The following NPAS3 variants were observed in gnomAD, a reference collection of about 807,000 sequenced individuals.
NPAS3 encodes neuronal PAS domain-containing protein 3.
Under a neutral mutation model 73.1 loss-of-function variants are expected in NPAS3, and 14 were observed. The observed-to-expected ratio is 0.19, with a 90% confidence interval of 0.13 to 0.30. The LOEUF (loss-of-function observed/expected upper bound fraction) is 0.30, where lower values mean the gene tolerates loss of function less well. NPAS3 is among the 10% of genes least tolerant of loss of function. The probability of loss-of-function intolerance (pLI) is 1.00; values close to 1 mark genes in which losing one functional copy is unlikely to be tolerated. For missense variants in NPAS3, 1,096 were observed against 1,250.0 expected (o/e 0.88, Z 1.86); for synonymous variants, 620 against 541.5 (o/e 1.14, Z -2.01).
intron 7 of NPAS3, among the ~76,000 whole-genome samples, chr14:33,751,888 G>A (rs921663938): frequency 1.3e-5 from 2 of 152,054 alleles, no homozygotes; most frequent in Admixed American, 6.6e-5. Context: ...CAGTTCTCAA[G>A]TGAACAGTAA....
intron 4 of NPAS3, among the ~76,000 whole-genome samples, chr14:33,407,580 T>C (rs1594851760): frequency 1.3e-5 from 2 of 152,150 alleles, no homozygotes; most frequent in African/African-American, 4.8e-5. Context: ...AGAATAGAAA[T>C]GGAGACTGGC....
chr14:33,034,799 C>G (rs2138370154), intron 1 of NPAS3, among the ~76,000 whole-genome samples: 1 of 152,162 alleles, frequency 6.6e-6, no homozygotes, highest in East Asian at 1.9e-4. Context: ...AATGAGAAAA[C>G]TGGGGCAAGG....
At chr14:32,960,498 C>T (rs950636152) in intron 1 of NPAS3, among the ~76,000 whole-genome samples, 11 of 152,110 alleles carry the variant, frequency 7.2e-5, no homozygotes, top group African/African-American at 2.7e-4. Flanking sequence ...CCAAGAACAC[C>T]ACAGTGGAAT....
intron 4 of NPAS3, among the ~76,000 whole-genome samples, chr14:33,527,646 T>G (rs1173189247): frequency 6.6e-6 from 1 of 152,124 alleles, no homozygotes; most frequent in African/African-American, 2.4e-5. Flanking sequence ...AAATCAGGAT[T>G]TATATATGAA....
intron 6 of NPAS3, among the ~76,000 whole-genome samples, chr14:33,707,897 A>C (rs887277602): frequency 1.3e-5 from 2 of 152,152 alleles, no homozygotes; most frequent in African/African-American, 4.8e-5. Flanking sequence ...ACAGTGAGTC[A>C]ATATCTGAAC....
At chr14:33,707,927 G>C (rs568719671) in intron 6 of NPAS3, among the ~76,000 whole-genome samples, 1 of 152,296 alleles carries the variant, frequency 6.6e-6, no homozygotes, top group South Asian at 2.1e-4. Flanking sequence ...GTGAGGGAAG[G>C]TATGCTTTTG....
intron 3 of NPAS3, among the ~76,000 whole-genome samples, chr14:33,337,660 A>G (rs1036604808): frequency 6.6e-6 from 1 of 152,090 alleles, no homozygotes; most frequent in Non-Finnish European, 1.5e-5. Flanking sequence ...CACTGAATCT[A>G]TAGATCAGTT....
At chr14:33,270,964 T>C (rs1349687469) in intron 3 of NPAS3, among the ~76,000 whole-genome samples, 3 of 152,050 alleles carry the variant, frequency 2.0e-5, no homozygotes, top group Non-Finnish European at 2.9e-5. Flanking sequence ...GAAAATCAAG[T>C]GACAAAAGGA....
chr14:33,182,331 G>A (rs545985581), intron 2 of NPAS3, among the ~76,000 whole-genome samples: 10 of 152,112 alleles, frequency 6.6e-5, no homozygotes, highest in Admixed American at 2.6e-4. Flanking sequence ...AATTTTGAAC[G>A]CTTTTCTCCA....
At chr14:33,267,796 G>C (rs1282642671) in intron 3 of NPAS3, among the ~76,000 whole-genome samples, 3 of 152,134 alleles carry the variant, frequency 2.0e-5, no homozygotes, top group African/African-American at 7.2e-5. Flanking sequence ...TTTGAATCCA[G>C]CAAAACGTGG....
chr14:33,791,758 A>C (rs1453196219), intron 9 of NPAS3, among the ~76,000 whole-genome samples: 1 of 152,142 alleles, frequency 6.6e-6, no homozygotes, highest in Admixed American at 6.5e-5. Context: ...TCTTTTTAAA[A>C]TTTTGCCTGC....
intron 3 of NPAS3, among the ~76,000 whole-genome samples, chr14:33,263,106 A>G (rs2049033239): frequency 6.6e-6 from 1 of 152,178 alleles, no homozygotes; most frequent in Non-Finnish European, 1.5e-5. Context: ...TTTGCTGTGC[A>G]GAAGCTCTTT....
intron 1 of NPAS3, among the ~76,000 whole-genome samples, chr14:32,985,755 G>A (rs1381885333): frequency 6.6e-6 from 1 of 152,194 alleles, no homozygotes. Context: ...TAACAAGGAT[G>A]TTTAGGATTC....
chr14:33,367,202 A>G (rs1364124468), exon 4 of NPAS3: 1 of 864,650 alleles, frequency 1.2e-6, no homozygotes, highest in East Asian at 2.4e-5. Flanking sequence ...GTGCACAGCG[A>G]AGGAGAAGCC....
chr14:33,393,572 A>G (rs2047097882), intron 4 of NPAS3, among the ~76,000 whole-genome samples: 1 of 152,112 alleles, frequency 6.6e-6, no homozygotes, highest in South Asian at 2.1e-4. Flanking sequence ...GTCGGGGGAG[A>G]GGAAACTTTA....
Position 33,391,224 on chromosome 14 carries a change from A to T in NPAS3, c.468+23956A>T, listed in dbSNP as rs376797763. 4.9e-3 allele frequency among the ~76,000 whole-genome samples: 547 copies of T among 111,916 alleles called. 1 individual carries two copies. The highest frequency in any genetic ancestry group is 0.019 in the African/African-American group (522 of 28,000). The allele number at this position is 111,916 out of a possible 152,430, so 73.4% of individuals were successfully genotyped here. A position where few individuals can be genotyped will look rare whatever the true frequency, so the allele number is the denominator to read the frequency against. ...TTTTTTTTTTTTGAGAAAGAGTTTC[A>T]CTCTTGTTGCCCAGGCTGGAGTGCA... On this transcript the variant is annotated intron_variant, in intron 4 of 11. Transcript: ENST00000356141.
intron 2 of NPAS3, among the ~76,000 whole-genome samples, chr14:33,121,173 C>G (rs145633296): frequency 1.3e-5 from 2 of 152,114 alleles, no homozygotes; most frequent in African/African-American, 4.8e-5. Context: ...AGTGACTCAT[C>G]ATGCCCTGAG....
At chr14:33,355,606 A>G (rs2045303838) in intron 3 of NPAS3, among the ~76,000 whole-genome samples, 1 of 152,026 alleles carries the variant, frequency 6.6e-6, no homozygotes. Context: ...GCAACCTGTT[A>G]CTTTTTTACA....
chr14:33,415,370 C>G (rs539491865), intron 4 of NPAS3, among the ~76,000 whole-genome samples: 1 of 151,940 alleles, frequency 6.6e-6, no homozygotes, highest in Non-Finnish European at 1.5e-5. Flanking sequence ...TTGAGTAAAC[C>G]TTTTATTTAT....
Sources: gnomAD v4.1 joint callset for allele counts (sites outside exome capture counted in the v4.1 genomes callset) on GRCh38, gnomAD v4.1.1 for gene constraint, MANE v1.5 for transcripts, NCBI Gene and HGNC (gene_info 2026-07-23, HGNC 2026-07-21) for gene names.